LRMDA: variants seen among roughly 807,000 people sequenced by gnomAD.
LRMDA encodes the protein leucine-rich melanocyte differentiation-associated protein.
LRMDA carries 18 observed loss-of-function variants against 29.8 expected under a neutral mutation model. That is an observed-to-expected ratio of 0.60 (90% CI 0.42 to 0.90). The LOEUF is 0.90. Ranked by LOEUF, LRMDA falls within the 40% of genes least tolerant of loss-of-function variation. LRMDA has a pLI of 0.00. For missense variants in LRMDA, 273 were observed against 273.9 expected, an observed-to-expected ratio of 1.00 and a Z score of 0.02; for synonymous variants, 125 against 109.4, an observed-to-expected ratio of 1.14 and a Z score of -0.89.
intron 6 of LRMDA, among the ~76,000 whole-genome samples, chr10:76,422,918 A>C (rs1589177607): frequency 6.6e-6 from 1 of 152,200 alleles, no homozygotes; most frequent in Non-Finnish European, 1.5e-5. Flanking sequence ...GCATTCCTGA[A>C]TCTCTGCAAT....
At chr10:76,208,448 A>G (rs1400382054) in intron 5 of LRMDA, among the ~76,000 whole-genome samples, 2 of 152,334 alleles carry the variant, frequency 1.3e-5, no homozygotes, top group Non-Finnish European at 2.9e-5. Flanking sequence ...AAGTGGGACT[A>G]ATCACAGGGC....
In LRMDA at chr10:75,688,398, A is replaced by G. The variant is rs566685718; in HGVS notation, c.131+249904A>G. Among the ~76,000 whole-genome samples the G allele has an allele frequency of 2.6e-5, 4 of 152,368 alleles. No individual in the cohort carries two copies. The South Asian group carries it at 8.3e-4, about 32-fold the overall frequency. On this transcript the variant is annotated intron_variant, in intron 2 of 6. Coordinates refer to ENST00000611255, the MANE Select transcript of LRMDA (RefSeq NM_001305581.2). ...CTTCAAGACTTCAGTGGAGGAGGTAATTGCAGATGTGGCAGAAATAGCAAG... is the reference window on the plus strand; with the variant it reads ...CTTCAAGACTTCAGTGGAGGAGGTAGTTGCAGATGTGGCAGAAATAGCAAG...
chr10:76,231,601 A>G (rs899459718), intron 5 of LRMDA, among the ~76,000 whole-genome samples: 1 of 152,188 alleles, frequency 6.6e-6, no homozygotes, highest in African/African-American at 2.4e-5. Context: ...AACTTTGCAG[A>G]ACAAAAGAAG....
intron 6 of LRMDA, among the ~76,000 whole-genome samples, chr10:76,383,447 G>T (rs563366068): frequency 8.7e-6 from 1 of 114,726 alleles, no homozygotes; most frequent in Non-Finnish European, 1.6e-5. Context: ...TTTTTGAGAC[G>T]GAGTCTCGCT....
At chr10:75,876,065 G>A (rs1383869075) in intron 2 of LRMDA, among the ~76,000 whole-genome samples, 1 of 152,000 alleles carries the variant, frequency 6.6e-6, no homozygotes, top group Non-Finnish European at 1.5e-5. Flanking sequence ...CCTGGTGGGA[G>A]GATATGAGAC....
chr10:75,830,968 C>T (rs1463894672), intron 2 of LRMDA, among the ~76,000 whole-genome samples: 2 of 152,048 alleles, frequency 1.3e-5, no homozygotes, highest in South Asian at 2.1e-4. Flanking sequence ...TAAATACAGC[C>T]ATTCTAAATG....
intron 5 of LRMDA, among the ~76,000 whole-genome samples, chr10:76,257,479 A>G (rs1162766987): frequency 1.3e-5 from 2 of 151,628 alleles, no homozygotes; most frequent in Non-Finnish European, 2.9e-5. Context: ...GATTACAGGC[A>G]CCCACCACCA....
chr10:76,041,439 T>C (rs1179516983), intron 3 of LRMDA, among the ~76,000 whole-genome samples: 1 of 152,254 alleles, frequency 6.6e-6, no homozygotes, highest in Non-Finnish European at 1.5e-5. Context: ...CCTTAATTGT[T>C]ATTTCAGCAT....
intron 5 of LRMDA, among the ~76,000 whole-genome samples, chr10:76,110,261 A>G (rs191938978): frequency 3.9e-5 from 6 of 152,274 alleles, no homozygotes; most frequent in Non-Finnish European, 8.8e-5. Context: ...CTGCCTCAGC[A>G]TTTCTCAAAG....
intron 2 of LRMDA, among the ~76,000 whole-genome samples, chr10:75,816,616 A>G (rs190551708): frequency 9.8e-4 from 150 of 152,362 alleles, no homozygotes; most frequent in Middle Eastern, 3.4e-3. Flanking sequence ...TGGTTTGGTC[A>G]AGGTGGTTTG....
At position 75,839,708 on chromosome 10, in the gene LRMDA, T is replaced by C. The variant is rs927053414; in HGVS notation, c.132-196300T>C. Among the ~76,000 whole-genome samples the C allele has an allele frequency of 8.2e-4, 114 of 138,866 alleles. 2 individuals carry two copies. The highest frequency in any genetic ancestry group is 3.7e-3 in the Middle Eastern group (1 of 270). 91.1% of individuals were successfully genotyped at this position (138,866 alleles called of 152,430 possible). ...AGGATGCATCCGACTTTCTTTTTTT[T>C]TTTTTTTTTTTTTTTTTTGAGACAG... On this transcript the variant is annotated intron_variant, in intron 2 of 6. Coordinates refer to ENST00000611255, the MANE Select transcript of LRMDA (RefSeq NM_001305581.2).
At chr10:76,385,477 A>G (rs1454407430) in intron 6 of LRMDA, among the ~76,000 whole-genome samples, 1 of 152,220 alleles carries the variant, frequency 6.6e-6, no homozygotes. Context: ...TATAGTTTGC[A>G]GTATGAATGG....
intron 6 of LRMDA, among the ~76,000 whole-genome samples, chr10:76,345,165 C>T (rs1416250447): frequency 7.1e-6 from 1 of 140,694 alleles, no homozygotes; most frequent in Non-Finnish European, 1.5e-5. Context: ...CTCCCGGGTT[C>T]ACGCCATTCT....
intron 5 of LRMDA, among the ~76,000 whole-genome samples, chr10:76,236,937 A>G (rs1034175874): frequency 7.9e-5 from 12 of 152,394 alleles, no homozygotes; most frequent in Admixed American, 2.6e-4. Flanking sequence ...CTATAATTTC[A>G]AAGTGTTGAT....
At chr10:76,025,921 C>T (rs905916504) in intron 2 of LRMDA, among the ~76,000 whole-genome samples, 1 of 152,136 alleles carries the variant, frequency 6.6e-6, no homozygotes, top group African/African-American at 2.4e-5. Flanking sequence ...ATCCTTGTAG[C>T]TCCAGAGACT....
rs534475514 is a variant in LRMDA at position 75,514,315 on chromosome 10, C to CT, written c.131+75833dup. Among the ~76,000 whole-genome samples the CT allele has an allele frequency of 3.9e-3, 558 of 144,018 alleles. 10 individuals carry two copies. The highest frequency in any genetic ancestry group is 0.032 in the South Asian group (145 of 4,564). The allele number at this position is 144,018 out of a possible 152,430, so 94.5% of individuals were successfully genotyped here. On this transcript the variant is annotated intron_variant, in intron 2 of 6. Coordinates refer to ENST00000611255, the MANE Select transcript of LRMDA (RefSeq NM_001305581.2). ...TCCCTCCTTTTTCCTTCTTCTTCTT[C>CT]TTTTTTTTTTTTAAATAACCATAAC...
chr10:75,692,217 AAAATATATATATAT>A (rs1379621851), intron 2 of LRMDA, among the ~76,000 whole-genome samples: 1 of 50,596 alleles, frequency 2.0e-5, no homozygotes, highest in African/African-American at 1.0e-4. Flanking sequence ...GGAAAAAAAA[AAAATATATATATAT>A]ATATATATAT....
chr10:76,486,798 A>G (rs986239513), intron 6 of LRMDA, among the ~76,000 whole-genome samples: 2 of 151,876 alleles, frequency 1.3e-5, no homozygotes, highest in African/African-American at 4.8e-5. Flanking sequence ...GTTTTATGCC[A>G]TTATGCTGCT....
chr10:75,782,855 T>G (rs1231901620), intron 2 of LRMDA: 5 of 1,538,242 alleles, frequency 3.3e-6, no homozygotes, highest in Non-Finnish European at 4.4e-6. Flanking sequence ...GTTTTATTCT[T>G]TTTCCCTTGC....
Sources: allele counts gnomAD v4.1 joint callset (sites outside exome capture counted in the v4.1 genomes callset), GRCh38; gene constraint gnomAD v4.1.1; transcripts MANE v1.5; gene names NCBI Gene and HGNC (gene_info 2026-07-23, HGNC 2026-07-21).